SCHIP1: variants seen among roughly 807,000 people sequenced by gnomAD.
SCHIP1 encodes the protein schwannomin-interacting protein 1.
A neutral mutation model predicts 29.7 loss-of-function variants in SCHIP1; 8 were observed. The observed-to-expected ratio is 0.27, with a 90% CI of 0.16 to 0.49. SCHIP1 has a LOEUF of 0.49. Among genes scored for constraint, SCHIP1 ranks in the 20% least tolerant of loss-of-function variants. SCHIP1 has a pLI of 0.99. For missense variants in SCHIP1, 193 were observed against 294.6 expected, an observed-to-expected ratio of 0.66 and a Z score of 2.52; for synonymous variants, 76 against 94.9, an observed-to-expected ratio of 0.80 and a Z score of 1.16.
the SCHIP1 span, among the ~76,000 whole-genome samples, chr3:159,622,842 C>T: frequency 3.3e-5 from 5 of 152,050 alleles, 1 homozygote; most frequent in Non-Finnish European, 5.9e-5. Context: ...GGCATAAACC[C>T]GGGAGGCGGA....
At chr3:159,296,633 G>A in the SCHIP1 span, among the ~76,000 whole-genome samples, 1 of 152,066 alleles carries the variant, frequency 6.6e-6, no homozygotes, top group South Asian at 2.1e-4. Context: ...AACTTAGCTG[G>A]GCATGGTGGG....
chr3:159,770,333 C>T, the SCHIP1 span, among the ~76,000 whole-genome samples: 4 of 152,182 alleles, frequency 2.6e-5, no homozygotes, highest in Admixed American at 1.3e-4. Flanking sequence ...TATCTTGGCT[C>T]ACTGCCACCT....
At chr3:159,784,748 G>A in the SCHIP1 span, among the ~76,000 whole-genome samples, 59 of 152,318 alleles carry the variant, frequency 3.9e-4, no homozygotes, top group African/African-American at 1.1e-3. Flanking sequence ...CTGCCTCCCA[G>A]GTTCAAGCAA....
At chr3:159,669,125 T>C in the SCHIP1 span, among the ~76,000 whole-genome samples, 3 of 152,232 alleles carry the variant, frequency 2.0e-5, no homozygotes, top group East Asian at 3.8e-4. Context: ...CTCAACTTTC[T>C]GACATTCCAT....
At chr3:159,364,069 T>G in the SCHIP1 span, among the ~76,000 whole-genome samples, 2 of 152,188 alleles carry the variant, frequency 1.3e-5, no homozygotes, top group Non-Finnish European at 2.9e-5. Context: ...AATAATGTAA[T>G]AATAGTAAAA....
At chr3:159,755,983 C>A in the SCHIP1 span, among the ~76,000 whole-genome samples, 1 of 152,356 alleles carries the variant, frequency 6.6e-6, no homozygotes, top group East Asian at 1.9e-4. Flanking sequence ...CAGGATGCAG[C>A]CTCCCTCCCG....
At chr3:159,394,363 T>C in the SCHIP1 span, among the ~76,000 whole-genome samples, 1 of 151,746 alleles carries the variant, frequency 6.6e-6, no homozygotes, top group African/African-American at 2.4e-5. Context: ...TGAATAGGAG[T>C]GGTGAGAGAG....
chr3:159,474,855 TG>T, the SCHIP1 span, among the ~76,000 whole-genome samples: 1 of 152,332 alleles, frequency 6.6e-6, no homozygotes, highest in East Asian at 1.9e-4. Flanking sequence ...TGGATGTTTT[TG>T]ACAATTACTT....
chr3:159,605,959 A>C, the SCHIP1 span, among the ~76,000 whole-genome samples: 1 of 151,932 alleles, frequency 6.6e-6, no homozygotes, highest in African/African-American at 2.4e-5. Context: ...GAACTACCTC[A>C]CAGGACTCTG....
chr3:159,562,706 A>G, the SCHIP1 span, among the ~76,000 whole-genome samples: 3 of 152,246 alleles, frequency 2.0e-5, no homozygotes, highest in African/African-American at 7.2e-5. Context: ...CAGTGACTTC[A>G]CAAGTCTTTT....
chr3:159,451,836 T>G, the SCHIP1 span, among the ~76,000 whole-genome samples: 4 of 152,012 alleles, frequency 2.6e-5, no homozygotes, highest in Non-Finnish European at 4.4e-5. Flanking sequence ...AGGAGAAAGG[T>G]TTGATTGGAG....
At chr3:159,589,761 A>G in the SCHIP1 span, among the ~76,000 whole-genome samples, 1 of 152,204 alleles carries the variant, frequency 6.6e-6, no homozygotes, top group East Asian at 1.9e-4. Context: ...AAAAGGGACT[A>G]TACTGTGAAG....
the SCHIP1 span, among the ~76,000 whole-genome samples, chr3:159,776,822 A>G: frequency 6.6e-6 from 1 of 152,154 alleles, no homozygotes; most frequent in Non-Finnish European, 1.5e-5. Flanking sequence ...TTTTTAGTAA[A>G]CAATCACACT....
the SCHIP1 span, chr3:159,764,611 G>A: frequency 6.2e-7 from 1 of 1,609,614 alleles, no homozygotes; most frequent in South Asian, 1.1e-5. The surrounding 1 kb of genome is among the most constrained non-coding windows in gnomAD (Gnocchi z 6.1). Context: ...GGAGGACTAT[G>A]AGGAGCCCTT....
chr3:159,328,241 A>AT, the SCHIP1 span, among the ~76,000 whole-genome samples: 11 of 151,198 alleles, frequency 7.3e-5, no homozygotes, highest in Non-Finnish European at 1.3e-4. Context: ...ATAGAAGAAT[A>AT]TTTTTTTTTA....
At chr3:159,679,717 GC>G in the SCHIP1 span, among the ~76,000 whole-genome samples, 1 of 151,994 alleles carries the variant, frequency 6.6e-6, no homozygotes, top group Non-Finnish European at 1.5e-5. Context: ...CTCCATGATG[GC>G]CCCGAGGAAG....
the SCHIP1 span, among the ~76,000 whole-genome samples, chr3:159,519,870 A>ATAT: frequency 6.7e-5 from 10 of 148,168 alleles, no homozygotes; most frequent in African/African-American, 2.2e-4. Context: ...AGAAAAAAAA[A>ATAT]ATATATATAT....
the SCHIP1 span, among the ~76,000 whole-genome samples, chr3:159,743,116 C>A: frequency 6.6e-6 from 1 of 152,186 alleles, no homozygotes; most frequent in African/African-American, 2.4e-5. Flanking sequence ...AGGCTTCAAT[C>A]AATTCCTTAT....
At chr3:159,760,081 A>T in the SCHIP1 span, among the ~76,000 whole-genome samples, 1 of 3,692 alleles carries the variant, frequency 2.7e-4, no homozygotes, top group Non-Finnish European at 5.1e-4. Context: ...TTTGTTTTGC[A>T]GGGGGGTGGG....
Sources: gnomAD v4.1 joint callset for allele counts (sites outside exome capture counted in the v4.1 genomes callset) on GRCh38, gnomAD v4.1.1 for gene constraint, Gnocchi (gnomAD v3.1) non-coding constraint, MANE v1.5 for transcripts, NCBI Gene and HGNC (gene_info 2026-07-23, HGNC 2026-07-21) for gene names.